ROBO1: variants seen among roughly 807,000 people sequenced by gnomAD.
The protein encoded by ROBO1 is roundabout guidance receptor 1, also known as roundabout homolog 1.
Under a neutral mutation model 195.9 loss-of-function variants are expected in ROBO1, and 149 were observed. That is an observed-to-expected ratio of 0.76 (90% CI 0.67 to 0.87). The LOEUF is 0.87. Ranked by LOEUF, ROBO1 falls within the 40% of genes least tolerant of loss-of-function variation. The pLI is 0.00. For synonymous variants in ROBO1, 816 were observed against 733.2 expected, an observed-to-expected ratio of 1.11 and a Z score of -1.82; for missense variants, 1,933 against 2,068.3, an observed-to-expected ratio of 0.93 and a Z score of 1.27.
chr3:78,804,165 C>CA (rs1559873198), intron 4 of ROBO1, among the ~76,000 whole-genome samples: 1 of 152,166 alleles, frequency 6.6e-6, no homozygotes. Flanking sequence ...TCTTTCCACA[C>CA]AAATAATTGC....
At chr3:79,512,674 C>T (rs919888966) in intron 2 of ROBO1, 1 of 152,038 alleles carries the variant, frequency 6.6e-6, no homozygotes, top group Non-Finnish European at 1.5e-5. Flanking sequence ...TAGAATAATA[C>T]ATTCCAAAAC....
intron 2 of ROBO1, among the ~76,000 whole-genome samples, chr3:79,559,287 A>AT (rs1178956427): frequency 6.6e-6 from 1 of 152,130 alleles, no homozygotes; most frequent in Non-Finnish European, 1.5e-5. Flanking sequence ...TCCATGAATT[A>AT]TTTTTTGCTC....
chr3:78,678,764 C>T (rs1708600697), intron 10 of ROBO1, among the ~76,000 whole-genome samples: 1 of 152,196 alleles, frequency 6.6e-6, no homozygotes, highest in Admixed American at 6.5e-5. Context: ...GAACTGATAC[C>T]ATTCCTTCTG....
chr3:79,362,404 G>C (rs765395151), intron 2 of ROBO1, among the ~76,000 whole-genome samples: 1 of 152,006 alleles, frequency 6.6e-6, no homozygotes, highest in East Asian at 1.9e-4. Context: ...TTATATTTAA[G>C]CTACAGAAGA....
At chr3:78,822,465 C>A (rs2031101653) in intron 4 of ROBO1, among the ~76,000 whole-genome samples, 1 of 152,086 alleles carries the variant, frequency 6.6e-6, no homozygotes. Context: ...ATTGAAGATA[C>A]AAAGACACAG....
At chr3:78,683,246 A>C (rs935603870) in intron 10 of ROBO1, among the ~76,000 whole-genome samples, 6 of 152,112 alleles carry the variant, frequency 3.9e-5, no homozygotes, top group African/African-American at 1.4e-4. Context: ...GAGAAATTAA[A>C]GACCTAAATA....
chr3:79,227,207 CT>C (rs2082241047), intron 2 of ROBO1, among the ~76,000 whole-genome samples: 1 of 152,118 alleles, frequency 6.6e-6, no homozygotes, highest in South Asian at 2.1e-4. Context: ...CCTTCACTGG[CT>C]CCCTAGCAGC....
intron 3 of ROBO1, among the ~76,000 whole-genome samples, chr3:79,002,609 T>C (rs2077531676): frequency 2.0e-5 from 3 of 152,120 alleles, no homozygotes; most frequent in East Asian, 1.9e-4. Flanking sequence ...TGAATGACTC[T>C]AGAGGCCAAG....
chr3:79,618,792 A>G (rs1046528710), intron 1 of ROBO1, among the ~76,000 whole-genome samples: 10 of 152,184 alleles, frequency 6.6e-5, no homozygotes, highest in African/African-American at 2.4e-4. Context: ...CCCAAGGAAC[A>G]TCTCACCAAT....
At position 79,589,833 on chromosome 3, in the gene ROBO1, G is replaced by A; in HGVS notation, c.79C>T (p.Leu27Phe). Residue 27 changes from leucine to phenylalanine, a missense_variant, in exon 2 of 31, where the codon CTT becomes TTT. Coordinates refer to ENST00000464233, the MANE Select transcript of ROBO1 (RefSeq NM_002941.4). ...LSPNHLFLAQ[L>F]IPDPEDVERG... ...AATGCACAGCACTTACCTGGAATAA[G>A]CTGGGCCAGAAACAGGTGATTTGGG... 1 of 1,610,388 alleles carries A rather than the reference G, an allele frequency of 6.2e-7. No homozygotes were observed. The highest frequency in any genetic ancestry group is 8.5e-7 in the Non-Finnish European group (1 of 1,177,334).
intron 2 of ROBO1, among the ~76,000 whole-genome samples, chr3:79,407,667 T>G (rs1263561175): frequency 6.6e-6 from 1 of 152,154 alleles, no homozygotes; most frequent in East Asian, 1.9e-4. Flanking sequence ...GTTTTCTTAT[T>G]TTCTAAATGT....
chr3:79,013,911 C>T (rs1396420918), intron 3 of ROBO1, among the ~76,000 whole-genome samples: 2 of 152,102 alleles, frequency 1.3e-5, no homozygotes, highest in Non-Finnish European at 2.9e-5. Flanking sequence ...TTATTTCCTT[C>T]TTTCACTTTA....
chr3:79,159,183 T>C (rs2080910792), intron 2 of ROBO1, among the ~76,000 whole-genome samples: 1 of 151,964 alleles, frequency 6.6e-6, no homozygotes, highest in Admixed American at 6.6e-5. Context: ...AGTAAGTGAT[T>C]TGGCCTCTAT....
chr3:78,830,653 C>A (rs903339216), intron 4 of ROBO1, among the ~76,000 whole-genome samples: 2 of 152,094 alleles, frequency 1.3e-5, no homozygotes, highest in Non-Finnish European at 2.9e-5. Flanking sequence ...GAAACCGTTT[C>A]CATAATTAAA....
intron 2 of ROBO1, among the ~76,000 whole-genome samples, chr3:79,377,418 T>C (rs2036423696): frequency 1.3e-5 from 2 of 152,178 alleles, no homozygotes; most frequent in East Asian, 1.9e-4. Flanking sequence ...GATTTAAATG[T>C]TCTACTTCTA....
chr3:79,718,619 AAAGAT>A (rs1702581370), intron 1 of ROBO1, among the ~76,000 whole-genome samples: 1 of 152,066 alleles, frequency 6.6e-6, no homozygotes, highest in African/African-American at 2.4e-5. Context: ...TTAAGGAATA[AAAGAT>A]AAAATAATTT....
At chr3:78,615,365 A>G (rs1315235588) in intron 27 of ROBO1, among the ~76,000 whole-genome samples, 1 of 152,158 alleles carries the variant, frequency 6.6e-6, no homozygotes, top group Non-Finnish European at 1.5e-5. Flanking sequence ...AAAATTACTT[A>G]CATCTCTTTT....
intron 2 of ROBO1, among the ~76,000 whole-genome samples, chr3:79,369,951 G>C (rs7617893): frequency 0.6 from 90,860 of 152,086 alleles, 28,201 homozygotes; most frequent in African/African-American, 0.77. Flanking sequence ...TGATAGAAGT[G>C]AGAGATAACC....
intron 2 of ROBO1, among the ~76,000 whole-genome samples, chr3:79,336,869 C>T (rs1236902225): frequency 1.3e-5 from 2 of 152,194 alleles, no homozygotes; most frequent in Non-Finnish European, 2.9e-5. Context: ...GGGAGCCCAC[C>T]TCTTGCATCA....
Sources: allele counts gnomAD v4.1 joint callset (sites outside exome capture counted in the v4.1 genomes callset), GRCh38; gene constraint gnomAD v4.1.1; transcripts MANE v1.5; gene names NCBI Gene and HGNC (gene_info 2026-07-23, HGNC 2026-07-21).